CSMD3: variants seen among roughly 807,000 people sequenced by gnomAD.
CSMD3 encodes CUB and Sushi multiple domains 3.
CSMD3 carries 177 observed loss-of-function variants against 435.2 expected under a neutral mutation model. The ratio of observed to expected loss-of-function variants is 0.41; its 90% CI spans 0.36 to 0.46. The LOEUF is 0.46. Among genes scored for constraint, CSMD3 ranks in the 20% least tolerant of loss-of-function variants. The pLI is 0.34. For missense variants in CSMD3, 4,265 were observed against 4,504.6 expected (o/e 0.95, Z 1.52); for synonymous variants, 1,656 against 1,520.5 (o/e 1.09, Z -2.07).
intron 30 of CSMD3, among the ~76,000 whole-genome samples, chr8:112,498,315 C>A (rs1821581114): frequency 6.6e-6 from 1 of 152,052 alleles, no homozygotes; most frequent in Admixed American, 6.5e-5. Flanking sequence ...TAGTAAACAA[C>A]ATCTCTTTTT....
intron 45 of CSMD3, among the ~76,000 whole-genome samples, chr8:112,324,204 T>C (rs958509522): frequency 1.3e-5 from 2 of 152,066 alleles, no homozygotes; most frequent in Non-Finnish European, 2.9e-5. Context: ...GGGTGCTTTG[T>C]ATTTGCCATG....
At chr8:113,296,012 G>A (rs2199663) in intron 2 of CSMD3, among the ~76,000 whole-genome samples, 1 of 151,772 alleles carries the variant, frequency 6.6e-6, no homozygotes, top group Non-Finnish European at 1.5e-5. Flanking sequence ...ATGGATGAAG[G>A]TGGAAACCAT....
intron 1 of CSMD3, among the ~76,000 whole-genome samples, chr8:113,412,079 G>C (rs1462566405): frequency 1.3e-5 from 2 of 152,144 alleles, no homozygotes; most frequent in Non-Finnish European, 1.5e-5. Flanking sequence ...GATTAAATGA[G>C]CTTATAGAAG....
At chr8:113,427,290 T>TC (rs1313171533) in intron 1 of CSMD3, among the ~76,000 whole-genome samples, 1 of 151,302 alleles carries the variant, frequency 6.6e-6, no homozygotes, top group Non-Finnish European at 1.5e-5. Context: ...ATATCTATAT[T>TC]CCCCCCAGTT....
intron 38 of CSMD3, among the ~76,000 whole-genome samples, chr8:112,369,023 AG>A (rs1828062995): frequency 6.6e-6 from 1 of 152,116 alleles, no homozygotes; most frequent in African/African-American, 2.4e-5. Context: ...ATGACAGTGG[AG>A]GTATCATTAG....
intron 13 of CSMD3, among the ~76,000 whole-genome samples, chr8:112,747,736 G>A (rs1026936345): frequency 1.3e-5 from 2 of 152,140 alleles, no homozygotes; most frequent in African/African-American, 4.8e-5. Flanking sequence ...AGCACTTTGG[G>A]AGGCCGAGGC....
chr8:112,510,988 G>C (rs1239125820), intron 28 of CSMD3, among the ~76,000 whole-genome samples: 1 of 152,048 alleles, frequency 6.6e-6, no homozygotes, highest in Non-Finnish European at 1.5e-5. Flanking sequence ...TACCTTTGGG[G>C]CTCTGAAAAT....
Position 113,230,266 on chromosome 8 carries a change from A to C in CSMD3, c.514+48326T>G, listed in dbSNP as rs531554668. ...ACATAACATCTGTTGATTTAATTAG[A>C]ATAAGTTTAACATCTTTGAACTTCA... On this transcript the variant is annotated intron_variant, in intron 3 of 70. Coordinates refer to ENST00000297405, the MANE Select transcript of CSMD3 (RefSeq NM_198123.2). 1.3e-4 allele frequency among the ~76,000 whole-genome samples: 20 copies of C among 151,844 alleles called. No homozygotes were observed. The South Asian group carries it at 1.7e-3, about 13-fold the overall frequency.
rs1813087661 is a variant in CSMD3, at chr8:112,231,542, T to C, written c.10828+3A>G. ...TTCGTGAAAATCAAAATGAATACAT[T>C]ACCCAGTCTTTGTAGGCCAAATTGT... On this transcript the variant is annotated splice_donor_region_variant and intron_variant, in intron 69 of 70. Coordinates refer to ENST00000297405, the MANE Select transcript of CSMD3 (RefSeq NM_198123.2). The C allele has an allele frequency of 6.5e-7, 1 of 1,548,840 alleles. No individual in the cohort carries two copies. The highest frequency in any genetic ancestry group is 1.7e-5 in the Admixed American group (1 of 59,938).
chr8:112,620,022 G>A (rs926743488), intron 22 of CSMD3, among the ~76,000 whole-genome samples: 3 of 151,996 alleles, frequency 2.0e-5, no homozygotes, highest in African/African-American at 7.2e-5. Context: ...TAAATAACCA[G>A]GGATGGAAGT....
chr8:113,174,004 G>T, intron 3 of CSMD3, 88 bp from the exon 4 acceptor site: 1 of 928,498 alleles, frequency 1.1e-6, no homozygotes, highest in Non-Finnish European at 1.7e-6. Context: ...ATGTAGATAT[G>T]GATATTCTTA....
At chr8:112,833,682 A>ATGTGTGTATGTG (rs2079942304) in intron 11 of CSMD3, among the ~76,000 whole-genome samples, 1 of 148,988 alleles carries the variant, frequency 6.7e-6, no homozygotes, top group Non-Finnish European at 1.5e-5. Flanking sequence ...TCCAATATAT[A>ATGTGTGTATGTG]TGTGTGTATG....
chr8:113,415,777 T>C (rs2094579323), intron 1 of CSMD3, among the ~76,000 whole-genome samples: 1 of 152,130 alleles, frequency 6.6e-6, no homozygotes, highest in Middle Eastern at 3.2e-3. Context: ...ATGCAGCAGC[T>C]GCTTCTCTAT....
At chr8:112,660,693 G>A (rs2131679703) in intron 17 of CSMD3, among the ~76,000 whole-genome samples, 1 of 152,210 alleles carries the variant, frequency 6.6e-6, no homozygotes, top group African/African-American at 2.4e-5. Context: ...AAGAATTTGG[G>A]ACTTAATTTA....
intron 1 of CSMD3, among the ~76,000 whole-genome samples, chr8:113,360,816 G>A (rs1313693163): frequency 5.9e-5 from 9 of 151,676 alleles, no homozygotes; most frequent in African/African-American, 1.5e-4. Context: ...CTCGTGATCC[G>A]CCCGCCTCGG....
intron 5 of CSMD3, among the ~76,000 whole-genome samples, chr8:113,025,109 A>G (rs897381226): frequency 1.3e-5 from 2 of 151,826 alleles, no homozygotes; most frequent in African/African-American, 4.8e-5. Context: ...CTCTTCATAA[A>G]TTTCCTTTCT....
chr8:112,533,973 A>G lies in CSMD3; in HGVS notation c.4564+16698T>C, dbSNP rs139450494. 9.5e-4 allele frequency among the ~76,000 whole-genome samples: 145 copies of G among 152,250 alleles called. 2 individuals are homozygous for G. Among genetic ancestry groups the G allele is most frequent in the East Asian group, 5.8e-4 (3 of 5,186 alleles). On this transcript the variant is annotated intron_variant, in intron 27 of 70. Transcript: ENST00000297405. Reference sequence around the variant, plus strand: ...AGACAAAAGAAACATTAGAAATTGTACAAATAACATGGAAATTAAATGACA... The same window carrying G: ...AGACAAAAGAAACATTAGAAATTGTGCAAATAACATGGAAATTAAATGACA...
At chr8:112,413,738 C>G (rs773172091) in intron 32 of CSMD3, among the ~76,000 whole-genome samples, 2 of 152,174 alleles carry the variant, frequency 1.3e-5, no homozygotes, top group Non-Finnish European at 2.9e-5. Flanking sequence ...CCACTAAACT[C>G]TAATCTGCAA....
chr8:113,131,794 C>T (rs1264491779), intron 4 of CSMD3, among the ~76,000 whole-genome samples: 1 of 152,160 alleles, frequency 6.6e-6, no homozygotes, highest in South Asian at 2.1e-4. Context: ...TCAATGCCAG[C>T]CCATGAAAGC....
Sources: gnomAD v4.1 joint callset for allele counts (sites outside exome capture counted in the v4.1 genomes callset) on GRCh38, gnomAD v4.1.1 for gene constraint, MANE v1.5 for transcripts, NCBI Gene and HGNC (gene_info 2026-07-23, HGNC 2026-07-21) for gene names.